The following PKD1L1 variants were observed in gnomAD, a reference collection of about 807,000 sequenced individuals.
PKD1L1 encodes the protein polycystin-1-like protein 1.
PKD1L1 carries 236 observed loss-of-function variants against 323.4 expected under a neutral mutation model. The ratio of observed to expected loss-of-function variants is 0.73; its 90% confidence interval spans 0.66 to 0.81. The LOEUF is 0.81. Ranked by LOEUF, PKD1L1 falls within the 40% of genes least tolerant of loss-of-function variation. PKD1L1 has a pLI of 0.00. For synonymous variants in PKD1L1, 1,344 were observed against 1,335.0 expected (o/e 1.01, Z -0.15); for missense variants, 3,320 against 3,508.0 (o/e 0.95, Z 1.35).
Position 47,940,424 on chromosome 7 carries a change from G to A in PKD1L1, c.161-107C>T, listed in dbSNP as rs897065821. ...GTTATACATAAGGTCAAAGCCACCT[G>A]GGCCTAACAACGGGCTGATCATGAA... On this transcript the variant is annotated intron_variant, in intron 2 of 56. Coordinates refer to ENST00000289672, the MANE Select transcript of PKD1L1 (RefSeq NM_138295.5). 7.6e-6 allele frequency: 9 copies of A among 1,181,270 alleles called. No individual in the cohort carries two copies. The African/African-American group carries it at 9.3e-5, about 12-fold the overall frequency. The allele number at this position is 1,181,270 out of a possible 1,614,324, so 73.2% of individuals were successfully genotyped here.
At position 47,880,761 on chromosome 7, in the gene PKD1L1, T is replaced by C; in HGVS notation, c.3487A>G (p.Ser1163Gly). Reference sequence around the variant, plus strand: ...ACTTGCAGGACGTACGTCTCTCCACTGCTCAGAGAGTATGGCTTGATTGTC... The same window carrying C: ...ACTTGCAGGACGTACGTCTCTCCACCGCTCAGAGAGTATGGCTTGATTGTC... ...TVTIKPYSLS[S>G]GETYVLQVSV... Residue 1163 changes from serine to glycine, a missense_variant, in exon 21 of 57, where the codon AGT becomes GGT. Transcript: ENST00000289672. The C allele has an allele frequency of 1.9e-6, 3 of 1,609,290 alleles. No individual in the cohort carries two copies. The highest frequency in any genetic ancestry group is 2.5e-6 in the Non-Finnish European group (3 of 1,177,174).
chr7:47,862,630 A>G (rs1786057626), intron 26 of PKD1L1, among the ~76,000 whole-genome samples: 1 of 152,146 alleles, frequency 6.6e-6, no homozygotes, highest in Non-Finnish European at 1.5e-5. Flanking sequence ...GGATAATAAT[A>G]ATTACCTTCA....
Position 47,905,355 on chromosome 7 carries a change from T to C in PKD1L1, c.1523-30A>G, listed in dbSNP as rs763164247. On this transcript the variant is annotated intron_variant, in intron 10 of 56. Coordinates refer to ENST00000289672, the MANE Select transcript of PKD1L1 (RefSeq NM_138295.5). ...GGCAAAAGAAAGGAAGGTATGTCTA[T>C]GTCAACATAGGAGGGCTGGAATCTC... 10 of 1,607,086 alleles carry C rather than the reference T, an allele frequency of 6.2e-6. No individual in the cohort carries two copies. In the Admixed American group the frequency reaches 1.7e-4, roughly 27 times the overall value.
intron 54 of PKD1L1, among the ~76,000 whole-genome samples, chr7:47,799,459 T>C (rs1449110587): frequency 6.6e-6 from 1 of 152,214 alleles, no homozygotes. Context: ...TTAAATTTAC[T>C]GAACTTGCAG....
At chr7:47,912,834 A>AG (rs1562987155) in intron 8 of PKD1L1, among the ~76,000 whole-genome samples, 3 of 151,266 alleles carry the variant, frequency 2.0e-5, no homozygotes, top group Non-Finnish European at 4.4e-5. Flanking sequence ...AAAAAAAAAA[A>AG]AAAAGAAAAG....
Position 47,857,631 on chromosome 7 carries a change from A to G in PKD1L1, c.4564T>C (p.Tyr1522His), listed in dbSNP as rs1170107838. The G allele has an allele frequency of 2.5e-6, 4 of 1,614,082 alleles. No individual in the cohort carries two copies. The highest frequency in any genetic ancestry group is 1.3e-5 in the African/African-American group (1 of 74,936). Residue 1522 changes from tyrosine to histidine, a missense_variant, in exon 28 of 57, where the codon TAT becomes CAT. By Grantham distance (83) the Tyr-to-His change is moderately conservative. Coordinates refer to ENST00000289672, the MANE Select transcript of PKD1L1 (RefSeq NM_138295.5). ...SQLILFKKNP[Y>H]PGSQAPGQIG... Reference sequence around the variant, plus strand: ...TGCCCAGGAGCTTGGCTCCCTGGATATGGGTTCTTCTTGAAGAGTATGAGC... The same window carrying G: ...TGCCCAGGAGCTTGGCTCCCTGGATGTGGGTTCTTCTTGAAGAGTATGAGC...
intron 2 of PKD1L1, 64 bp from the exon 3 acceptor site, chr7:47,940,381 A>G (rs932076540): frequency 7.1e-5 from 109 of 1,545,318 alleles, no homozygotes; most frequent in Admixed American, 2.1e-4. Context: ...TGAGAACATA[A>G]AGCTGGAGAA....
At chr7:47,855,897 A>AAAAAG (rs1785893409) in intron 28 of PKD1L1, among the ~76,000 whole-genome samples, 1 of 95,526 alleles carries the variant, frequency 1.0e-5, no homozygotes, top group African/African-American at 6.2e-5. Flanking sequence ...AAAAAAAAAA[A>AAAAAG]AAAGAAAAGT....
At chr7:47,869,593 AG>A (rs550150669) in intron 24 of PKD1L1, among the ~76,000 whole-genome samples, 14 of 152,346 alleles carry the variant, frequency 9.2e-5, no homozygotes, top group African/African-American at 3.4e-4. Flanking sequence ...ACCTAACAAC[AG>A]GTTCCATATA....
rs971735211 is a variant in PKD1L1, at chr7:47,840,460, C to T, written c.5552+1G>A. 1 of 1,610,154 alleles carries T rather than the reference C, an allele frequency of 6.2e-7. No individual in the cohort carries two copies. Among genetic ancestry groups the T allele is most frequent in the African/African-American group, 1.3e-5 (1 of 74,914 alleles). On this transcript the variant is annotated splice_donor_variant, in intron 35 of 56. Transcript: ENST00000289672. LOFTEE classifies it high-confidence loss of function. This position sits in a 1 kb window ranked among gnomAD's most constrained non-coding sequence, Gnocchi z 4.1. ...TCTAGCAGTGAAATATTTTGGAATA[C>T]CTCAGGATAAAGGTGTGTCTGGAAT... is the stretch of plus-strand genomic sequence containing the variant.
intron 13 of PKD1L1, among the ~76,000 whole-genome samples, chr7:47,901,760 G>A (rs6945000): frequency 0.11 from 16,049 of 152,238 alleles, 1,000 homozygotes; most frequent in East Asian, 0.25. Context: ...AGATGCCACA[G>A]AAAGCAGTTT....
intron 45 of PKD1L1, among the ~76,000 whole-genome samples, chr7:47,822,488 G>A (rs1236664797): frequency 6.6e-5 from 10 of 151,388 alleles, no homozygotes; most frequent in East Asian, 2.0e-4. Context: ...CCAGTTACTC[G>A]GGAGGCTGAG....
chr7:47,936,761 C>T, intron 4 of PKD1L1, 85 bp downstream of exon 4: 1 of 1,088,674 alleles, frequency 9.2e-7, no homozygotes, highest in Non-Finnish European at 1.4e-6. Flanking sequence ...CAAGCATCGA[C>T]TTTCACATCT....
At chr7:47,800,969 A>C in intron 53 of PKD1L1, 90 bp from the exon 54 acceptor site, 1 of 1,193,080 alleles carries the variant, frequency 8.4e-7, no homozygotes, top group Non-Finnish European at 1.2e-6. Context: ...ATAGAGACAA[A>C]CTTGGAGGGG....
At chr7:47,813,857 G>A in intron 48 of PKD1L1, 74 bp downstream of exon 48, 1 of 1,262,492 alleles carries the variant, frequency 7.9e-7, no homozygotes, top group Non-Finnish European at 1.2e-6. Context: ...ATCTGCCAGG[G>A]TCCTGCCCCA....
At chr7:47,873,219 T>C (rs954548800) in intron 24 of PKD1L1, among the ~76,000 whole-genome samples, 1 of 152,094 alleles carries the variant, frequency 6.6e-6, no homozygotes, top group African/African-American at 2.4e-5. Context: ...TTTCACGGGA[T>C]GATGAAAAAT....
chr7:47,913,978 C>T (rs1787376311), intron 8 of PKD1L1, among the ~76,000 whole-genome samples: 2 of 150,746 alleles, frequency 1.3e-5, no homozygotes, highest in South Asian at 4.2e-4. Context: ...GAAGATTTAA[C>T]AAAGCAATTA....
chr7:47,817,344 G>A (rs1219889007), intron 46 of PKD1L1, among the ~76,000 whole-genome samples: 1 of 152,114 alleles, frequency 6.6e-6, no homozygotes, highest in African/African-American at 2.4e-5. Context: ...ACTGTTTCCA[G>A]CACACCACAA....
rs1788092198 is a variant in PKD1L1, at chr7:47,946,223, G to C, written c.44+2174C>G. 6.6e-6 allele frequency among the ~76,000 whole-genome samples: 1 copy of C among 152,078 alleles called. No individual in the cohort carries two copies. The highest frequency in any genetic ancestry group is 1.5e-5 in the Non-Finnish European group (1 of 68,024). On this transcript the variant is annotated intron_variant, in intron 1 of 56. Coordinates refer to ENST00000289672, the MANE Select transcript of PKD1L1 (RefSeq NM_138295.5). The surrounding 1 kb of genome is among the most constrained non-coding windows in gnomAD (Gnocchi z 4.1). The stretch of plus-strand genomic sequence containing the variant: ...TCTCTGAGGCATCATGTGCCTCAAG[G>C]GAACTAGTCGAGCCATTTGTTTGAA...
Sources: allele counts gnomAD v4.1 joint callset (sites outside exome capture counted in the v4.1 genomes callset), GRCh38; gene constraint gnomAD v4.1.1; non-coding constraint Gnocchi (gnomAD v3.1); transcripts MANE v1.5; gene names NCBI Gene and HGNC (gene_info 2026-07-23, HGNC 2026-07-21).